The following NME7 variants were observed in gnomAD, a reference collection of about 807,000 sequenced individuals.
NME7 encodes NME/NM23 family member 7.
Under a neutral mutation model 49.1 loss-of-function variants are expected in NME7, and 41 were observed. The ratio of observed to expected loss-of-function variants is 0.83; its 90% CI spans 0.65 to 1.08. NME7 has a LOEUF of 1.08. Among genes scored for constraint, NME7 ranks in the 50% least tolerant of loss-of-function variants. NME7 has a pLI of 0.00. For missense variants in NME7, 423 were observed against 463.4 expected, an observed-to-expected ratio of 0.91 and a Z score of 0.80; for synonymous variants, 139 against 150.6, an observed-to-expected ratio of 0.92 and a Z score of 0.56.
chr1:169,310,814 G>A lies in NME7; in HGVS notation c.279-734C>T, dbSNP rs377462047. 4.4e-4 allele frequency: 67 copies of A among 152,188 alleles called. 2 individuals are homozygous for A. The South Asian group carries it at 0.014, about 31-fold the overall frequency. The allele number at this position is 152,188 out of a possible 1,614,324, so 9.4% of individuals were successfully genotyped here. A position where few individuals can be genotyped will look rare whatever the true frequency, so the allele number is the denominator to read the frequency against. On this transcript the variant is annotated intron_variant, in intron 3 of 11. Coordinates refer to ENST00000367811, the MANE Select transcript of NME7 (RefSeq NM_013330.5). ...ACACAGCTGGTCAGCAACATTTTCAGGACAAAACACCCAGTTTACCAGACT... is the reference window on the plus strand; with the variant it reads ...ACACAGCTGGTCAGCAACATTTTCAAGACAAAACACCCAGTTTACCAGACT...
At chr1:169,234,726 G>T (rs1193987349) in intron 9 of NME7, among the ~76,000 whole-genome samples, 2 of 152,022 alleles carry the variant, frequency 1.3e-5, no homozygotes, top group African/African-American at 2.4e-5. Context: ...TACAGAGGGG[G>T]AAGAAAAAAG....
intron 7 of NME7, among the ~76,000 whole-genome samples, chr1:169,250,170 C>T (rs888971695): frequency 2.0e-5 from 3 of 151,702 alleles, no homozygotes; most frequent in African/African-American, 7.3e-5. Context: ...TTGGTCTGTT[C>T]GGGGTTTCTA....
At chr1:169,221,602 T>C (rs1661141460) in intron 10 of NME7, among the ~76,000 whole-genome samples, 1 of 152,060 alleles carries the variant, frequency 6.6e-6, no homozygotes, top group South Asian at 2.1e-4. Context: ...TTTATATGCA[T>C]ACAAATATAT....
In NME7 at chr1:169,258,415, CACACACACAT is replaced by C. The variant is rs560762435; in HGVS notation, c.755-20738_755-20729del. On this transcript the variant is annotated intron_variant, in intron 7 of 11. Coordinates refer to ENST00000367811, the MANE Select transcript of NME7 (RefSeq NM_013330.5). ...ATATATATATATATATACACACACACACACACACATACACACACACATATATCTTCTCATT... is the reference window on the plus strand; with the variant it reads ...ATATATATATATATATACACACACACACACACACACATATATCTTCTCATT... 2.3e-3 allele frequency among the ~76,000 whole-genome samples: 230 copies of C among 101,148 alleles called. 20 individuals are homozygous for C. The East Asian group carries it at 0.085, about 37-fold the overall frequency. The allele number at this position is 101,148 out of a possible 152,430, so 66.4% of individuals were successfully genotyped here. A position where few individuals can be genotyped will look rare whatever the true frequency, so the allele number is the denominator to read the frequency against.
intron 11 of NME7, among the ~76,000 whole-genome samples, chr1:169,164,388 G>A (rs1257311545): frequency 6.6e-6 from 1 of 152,138 alleles, no homozygotes; most frequent in Non-Finnish European, 1.5e-5. Context: ...TCTCACATGA[G>A]CAAACAGACA....
intron 1 of NME7, among the ~76,000 whole-genome samples, chr1:169,344,530 C>CT (rs1237321481): frequency 4.9e-4 from 75 of 152,302 alleles, no homozygotes; most frequent in Admixed American, 4.4e-3. Flanking sequence ...CATGAATCCC[C>CT]TTAGTTCAAA....
intron 10 of NME7, among the ~76,000 whole-genome samples, chr1:169,209,340 T>C (rs180845599): frequency 1.5e-4 from 23 of 152,242 alleles, no homozygotes; most frequent in Non-Finnish European, 3.1e-4. Flanking sequence ...TTTAAATCTC[T>C]GGAAAAGCTC....
At chr1:169,249,748 C>A (rs1430965577) in intron 7 of NME7, among the ~76,000 whole-genome samples, 1 of 151,858 alleles carries the variant, frequency 6.6e-6, no homozygotes. Flanking sequence ...TAGAGTTTTT[C>A]TTTTTAATTC....
intron 3 of NME7, 112 bp downstream of exon 3, chr1:169,323,005 A>T (rs1651910980): frequency 1.3e-6 from 1 of 799,052 alleles, no homozygotes; most frequent in Non-Finnish European, 1.8e-6. Context: ...GAAGACAACC[A>T]TTTTCCAGGT....
At chr1:169,335,281 T>A (rs1652417213) in intron 1 of NME7, among the ~76,000 whole-genome samples, 1 of 152,072 alleles carries the variant, frequency 6.6e-6, no homozygotes, top group African/African-American at 2.4e-5. Context: ...CAGCACTATT[T>A]ACAATAGCAA....
intron 10 of NME7, among the ~76,000 whole-genome samples, chr1:169,203,295 T>C (rs1660596271): frequency 6.6e-6 from 1 of 152,186 alleles, no homozygotes; most frequent in Non-Finnish European, 1.5e-5. Flanking sequence ...ATAAAAGTCT[T>C]TGTATTCAAC....
intron 1 of NME7, among the ~76,000 whole-genome samples, chr1:169,354,614 G>A (rs74532689): frequency 0.046 from 6,827 of 149,114 alleles, 212 homozygotes; most frequent in South Asian, 0.1. Flanking sequence ...TTGCATGCCT[G>A]TACCAAAATA....
chr1:169,183,378 A>G (rs1659977297), intron 10 of NME7, among the ~76,000 whole-genome samples: 1 of 152,228 alleles, frequency 6.6e-6, no homozygotes, highest in Non-Finnish European at 1.5e-5. Flanking sequence ...TTAAATATAT[A>G]CACCTCTATA....
intron 7 of NME7, among the ~76,000 whole-genome samples, chr1:169,243,543 TG>T (rs1199924968): frequency 6.6e-6 from 1 of 152,198 alleles, no homozygotes; most frequent in African/African-American, 2.4e-5. Context: ...GTAGGGCCTT[TG>T]TGGGGAAGAG....
At chr1:169,328,293 A>G (rs1434668746) in intron 1 of NME7, among the ~76,000 whole-genome samples, 1 of 152,208 alleles carries the variant, frequency 6.6e-6, no homozygotes, top group Non-Finnish European at 1.5e-5. Context: ...TGAAAAATGG[A>G]AACAGTACTT....
chr1:169,160,169 G>A (rs1277355012), intron 11 of NME7, among the ~76,000 whole-genome samples: 4 of 151,988 alleles, frequency 2.6e-5, no homozygotes, highest in South Asian at 2.1e-4. Flanking sequence ...AAAAGCATTC[G>A]GTCCCTTGGC....
At chr1:169,343,516 A>G (rs1376636718) in intron 1 of NME7, among the ~76,000 whole-genome samples, 2 of 146,114 alleles carry the variant, frequency 1.4e-5, no homozygotes, top group Non-Finnish European at 3.0e-5. Context: ...TTTGAGATAG[A>G]GTTTCACTCT....
At chr1:169,279,999 A>G (rs1649937768) in intron 7 of NME7, among the ~76,000 whole-genome samples, 1 of 152,216 alleles carries the variant, frequency 6.6e-6, no homozygotes, top group African/African-American at 2.4e-5. Flanking sequence ...TGCTGGGCCA[A>G]ATGGTATTTC....
At chr1:169,226,714 A>G (rs1647356220) in intron 10 of NME7, among the ~76,000 whole-genome samples, 1 of 152,226 alleles carries the variant, frequency 6.6e-6, no homozygotes, top group African/African-American at 2.4e-5. Flanking sequence ...TTTTGTTATT[A>G]TAAAAGTAAT....
Sources: allele counts gnomAD v4.1 joint callset (sites outside exome capture counted in the v4.1 genomes callset), GRCh38; gene constraint gnomAD v4.1.1; transcripts MANE v1.5; gene names NCBI Gene and HGNC (gene_info 2026-07-23, HGNC 2026-07-21).